Variants in SLC9A2 observed in about 807,000 individuals in gnomAD.
SLC9A2 encodes the protein solute carrier family 9 member A2.
Under a neutral mutation model 71.7 loss-of-function variants are expected in SLC9A2, and 42 were observed. That is an observed-to-expected ratio of 0.59 (90% CI 0.46 to 0.76). The LOEUF is 0.76. Among genes scored for constraint, SLC9A2 ranks in the 30% least tolerant of loss-of-function variants. The probability of loss-of-function intolerance (pLI) is 0.00; values close to 1 mark genes in which losing one functional copy is unlikely to be tolerated. For synonymous variants in SLC9A2, 396 were observed against 392.5 expected, an observed-to-expected ratio of 1.01 and a Z score of -0.10; for missense variants, 829 against 1,017.4, an observed-to-expected ratio of 0.81 and a Z score of 2.52.
intron 1 of SLC9A2, among the ~76,000 whole-genome samples, chr2:102,629,407 A>T (rs1056436231): frequency 6.6e-6 from 1 of 151,816 alleles, no homozygotes; most frequent in African/African-American, 2.4e-5. Context: ...CTATATCTAC[A>T]TTTTCCAGAT....
At chr2:102,688,295 C>A (rs1274784851) in intron 5 of SLC9A2, among the ~76,000 whole-genome samples, 2 of 152,118 alleles carry the variant, frequency 1.3e-5, no homozygotes, top group South Asian at 4.1e-4. Flanking sequence ...CTTTTTGCAG[C>A]CTCTGTGGGC....
intron 5 of SLC9A2, among the ~76,000 whole-genome samples, chr2:102,690,357 G>A (rs1389014172): frequency 2.0e-5 from 3 of 152,156 alleles, no homozygotes; most frequent in Non-Finnish European, 4.4e-5. Flanking sequence ...TCAGTGAGGA[G>A]AACAAAACCC....
chr2:102,643,480 A>G (rs1676651457), intron 1 of SLC9A2, among the ~76,000 whole-genome samples: 1 of 152,062 alleles, frequency 6.6e-6, no homozygotes, highest in Non-Finnish European at 1.5e-5. Flanking sequence ...AAAGCCGGCT[A>G]TTGTTGGGGC....
intron 5 of SLC9A2, among the ~76,000 whole-genome samples, chr2:102,692,863 ATCT>A (rs1362833487): frequency 5.3e-5 from 8 of 152,034 alleles, no homozygotes; most frequent in African/African-American, 1.2e-4. Flanking sequence ...AATGTCCTTA[ATCT>A]TCTTCAGTTA....
At position 102,708,470 on chromosome 2, in the gene SLC9A2, T is replaced by A. The variant is rs1219583629; in HGVS notation, c.2420T>A (p.Phe807Tyr). 5.0e-6 allele frequency: 8 copies of A among 1,613,838 alleles called. No individual in the cohort carries two copies. The South Asian group carries it at 5.5e-5, about 11-fold the overall frequency. Reference sequence around the variant, plus strand: ...GAACCTGGAAGCCGGAAAGCCCGATTTGGGAGTGAGAAGCCTTAAGAGAAG... The same window carrying A: ...GAACCTGGAAGCCGGAAAGCCCGATATGGGAGTGAGAAGCCTTAAGAGAAG... ...ASEPGSRKAR[F>Y]GSEKP The change falls in exon 12 of 12, where the codon TTT becomes TAT. Residue 807 changes from phenylalanine to tyrosine, a missense_variant. Physicochemically the swap from Phe to Tyr is conservative, Grantham distance 22 (BLOSUM62 3). Transcript: ENST00000233969.
intron 3 of SLC9A2, among the ~76,000 whole-genome samples, chr2:102,673,638 C>T (rs1056295792): frequency 5.3e-5 from 8 of 151,954 alleles, no homozygotes; most frequent in African/African-American, 1.7e-4. Flanking sequence ...CTTGACTGTT[C>T]TTTATGCTTA....
chr2:102,621,926 G>T (rs1157929642), intron 1 of SLC9A2, among the ~76,000 whole-genome samples: 1 of 152,204 alleles, frequency 6.6e-6, no homozygotes, highest in African/African-American at 2.4e-5. Context: ...GTGCAAAGCA[G>T]GTAGAAGGGA....
intron 1 of SLC9A2, among the ~76,000 whole-genome samples, chr2:102,630,463 GTC>G (rs1676335771): frequency 6.6e-6 from 1 of 151,922 alleles, no homozygotes; most frequent in Non-Finnish European, 1.5e-5. Flanking sequence ...TTTGACTTAT[GTC>G]TCTGGTTTTA....
At chr2:102,642,171 G>A (rs963874351) in intron 1 of SLC9A2, among the ~76,000 whole-genome samples, 2 of 152,106 alleles carry the variant, frequency 1.3e-5, no homozygotes. Context: ...CATAATGTAC[G>A]TGGTTTCCAC....
chr2:102,664,579 G>A (rs1048821743), intron 2 of SLC9A2, among the ~76,000 whole-genome samples: 1 of 151,868 alleles, frequency 6.6e-6, no homozygotes, highest in African/African-American at 2.4e-5. Flanking sequence ...GGTGGAGTGT[G>A]GAGTGAGGAA....
At chr2:102,701,710 C>T (rs1677877958) in intron 8 of SLC9A2, among the ~76,000 whole-genome samples, 1 of 152,042 alleles carries the variant, frequency 6.6e-6, no homozygotes, top group African/African-American at 2.4e-5. Context: ...CAATAAATAA[C>T]ATAAAAATAT....
chr2:102,661,932 G>A (rs967311736), intron 2 of SLC9A2, among the ~76,000 whole-genome samples: 1 of 152,154 alleles, frequency 6.6e-6, no homozygotes, highest in Non-Finnish European at 1.5e-5. Context: ...TACAATTAAA[G>A]GATTTAACTG....
At chr2:102,642,692 A>C (rs1407645381) in intron 1 of SLC9A2, among the ~76,000 whole-genome samples, 1 of 152,192 alleles carries the variant, frequency 6.6e-6, no homozygotes, top group Non-Finnish European at 1.5e-5. Context: ...ATGAATTGAG[A>C]AGTGTTCCCT....
intron 5 of SLC9A2, chr2:102,686,303 T>C (rs1369175461): frequency 6.6e-6 from 1 of 151,808 alleles, no homozygotes; most frequent in Non-Finnish European, 1.5e-5. Flanking sequence ...TAAAGCAGAG[T>C]CAAAATCTAT....
intron 2 of SLC9A2, among the ~76,000 whole-genome samples, chr2:102,662,050 G>A (rs942303696): frequency 6.6e-6 from 1 of 152,164 alleles, no homozygotes; most frequent in African/African-American, 2.4e-5. Flanking sequence ...GGAGGTTGTG[G>A]AAAGCTTTCT....
At chr2:102,668,570 ATAAACCAATTT>A (rs1206338704) in intron 3 of SLC9A2, among the ~76,000 whole-genome samples, 2 of 152,238 alleles carry the variant, frequency 1.3e-5, no homozygotes, top group African/African-American at 2.4e-5. Context: ...TTTACCATTT[ATAAACCAATTT>A]TAAGGTTAAT....
intron 1 of SLC9A2, among the ~76,000 whole-genome samples, chr2:102,641,622 T>A (rs1460762176): frequency 1.3e-5 from 2 of 151,952 alleles, no homozygotes; most frequent in Non-Finnish European, 2.9e-5. Flanking sequence ...TGTTGAAACT[T>A]ACACTTCCTG....
chr2:102,683,752 TCTC>T (rs72314227), intron 4 of SLC9A2, among the ~76,000 whole-genome samples: 86,840 of 151,098 alleles, frequency 0.57, 25,416 homozygotes, highest in East Asian at 0.86. Flanking sequence ...TGTTTCTCTT[TCTC>T]CTCCTCTTCC....
At position 102,663,746 on chromosome 2, in the gene SLC9A2, C is replaced by G. The variant is rs1677086776; in HGVS notation, c.754-1354C>G. 2.0e-5 allele frequency among the ~76,000 whole-genome samples: 3 copies of G among 152,186 alleles called. No homozygotes were observed. In the South Asian group the frequency reaches 6.2e-4, roughly 32 times the overall value. On this transcript the variant is annotated intron_variant, in intron 2 of 11. Transcript: ENST00000233969. ...CTAACGTCCTTATCAGTCGGTTTTC[C>G]TGGAGATTCCAGGTGCTCCCAGAGT...
Sources: allele counts gnomAD v4.1 joint callset (sites outside exome capture counted in the v4.1 genomes callset), GRCh38; gene constraint gnomAD v4.1.1; transcripts MANE v1.5; gene names NCBI Gene and HGNC (gene_info 2026-07-23, HGNC 2026-07-21).